The following LRP1B variants were observed in gnomAD, a reference collection of about 807,000 sequenced individuals.
The protein encoded by LRP1B is low-density lipoprotein receptor-related protein 1B.
LRP1B carries 217 observed loss-of-function variants against 556.6 expected under a neutral mutation model. The observed-to-expected ratio is 0.39, with a 90% CI of 0.35 to 0.44. The LOEUF (loss-of-function observed/expected upper bound fraction) is 0.44, where lower values mean the gene tolerates loss of function less well. Ranked by LOEUF, LRP1B falls within the 20% of genes least tolerant of loss-of-function variation. The pLI, the probability that LRP1B is intolerant of heterozygous loss-of-function variation, is 1.00. For missense variants in LRP1B, 5,053 were observed against 5,620.8 expected (o/e 0.90, Z 3.23); for synonymous variants, 2,047 against 1,865.8 (o/e 1.10, Z -2.50).
chr2:140,316,604 A>G (rs537693712), intron 82 of LRP1B, among the ~76,000 whole-genome samples: 1 of 152,276 alleles, frequency 6.6e-6, no homozygotes, highest in Admixed American at 6.5e-5. Flanking sequence ...AGACCCGTGT[A>G]GGTCCTGGTT....
At chr2:140,845,939 T>G (rs867005298) in intron 29 of LRP1B, among the ~76,000 whole-genome samples, 1 of 151,956 alleles carries the variant, frequency 6.6e-6, no homozygotes, top group African/African-American at 2.4e-5. Flanking sequence ...AATTATAGAG[T>G]ACAAAGACTG....
chr2:141,531,327 G>A (rs1251198763), intron 2 of LRP1B, among the ~76,000 whole-genome samples: 1 of 152,022 alleles, frequency 6.6e-6, no homozygotes, highest in Admixed American at 6.6e-5. Flanking sequence ...CTCCAAACCT[G>A]AAAGCCGTAT....
chr2:141,119,632 C>T (rs1882638), intron 7 of LRP1B, among the ~76,000 whole-genome samples: 133,565 of 151,692 alleles, frequency 0.88, 58,953 homozygotes, highest in East Asian at 0.91. Flanking sequence ...TGAAGAAATC[C>T]AAAGCACTAA....
chr2:140,833,392 C>T (rs907551549), intron 31 of LRP1B, among the ~76,000 whole-genome samples: 1 of 152,106 alleles, frequency 6.6e-6, no homozygotes, highest in African/African-American at 2.4e-5. Context: ...TGGCTTAGCC[C>T]ACCACAACTA....
intron 3 of LRP1B, among the ~76,000 whole-genome samples, chr2:141,405,516 G>A (rs1437591290): frequency 6.6e-6 from 1 of 152,058 alleles, no homozygotes; most frequent in Non-Finnish European, 1.5e-5. Flanking sequence ...AGTCAAATTA[G>A]ACACACACTA....
intron 40 of LRP1B, 86 bp from the exon 41 acceptor site, chr2:140,700,707 A>T (rs1686607086): frequency 1.5e-6 from 2 of 1,359,170 alleles, no homozygotes; most frequent in Admixed American, 2.2e-5. Flanking sequence ...GAAATATTAA[A>T]ACTTTGATGT....
At position 141,013,719 on chromosome 2, in the gene LRP1B, G is replaced by A. The variant is rs777696579; in HGVS notation, c.2217C>T (p.Asn739=). The change falls in exon 14 of 91, where the codon AAC becomes AAT. Residue 739 remains asparagine, a synonymous_variant. Transcript: ENST00000389484. Reference sequence around the variant, plus strand: ...CATGATGCGACAGTCCGAAAGGGTGGTTCAACTCTCTCCCACTGTAAACAA... The same window carrying A: ...CATGATGCGACAGTCCGAAAGGGTGATTCAACTCTCTCCCACTGTAAACAA... ...RKIVYSGREL[N]HPFGLSHHGN... The A allele has an allele frequency of 3.1e-6, 5 of 1,591,292 alleles. No homozygotes were observed. The highest frequency in any genetic ancestry group is 2.3e-5 in the South Asian group (2 of 87,234).
At chr2:140,655,706 G>T (rs1684854133) in intron 41 of LRP1B, among the ~76,000 whole-genome samples, 1 of 152,220 alleles carries the variant, frequency 6.6e-6, no homozygotes, top group African/African-American at 2.4e-5. Context: ...ACTTTGGGGG[G>T]CCGAGGCGGG....
At chr2:141,166,378 T>C (rs2105127024) in intron 7 of LRP1B, among the ~76,000 whole-genome samples, 1 of 151,340 alleles carries the variant, frequency 6.6e-6, no homozygotes, top group South Asian at 2.1e-4. Context: ...TTTTTTTTTT[T>C]TTTTTTACAT....
intron 41 of LRP1B, among the ~76,000 whole-genome samples, chr2:140,631,390 A>ATAAG (rs1425088791): frequency 6.6e-6 from 1 of 152,256 alleles, no homozygotes; most frequent in Non-Finnish European, 1.5e-5. Flanking sequence ...AACAATAATT[A>ATAAG]TAAGTTAAAG....
intron 86 of LRP1B, among the ~76,000 whole-genome samples, chr2:140,259,374 T>C (rs77811627): frequency 0.03 from 4,614 of 152,166 alleles, 111 homozygotes; most frequent in East Asian, 0.13. Context: ...CCTGTCTAGT[T>C]CTTGACTTAC....
At chr2:141,058,736 A>T (rs1041042127) in intron 9 of LRP1B, 147 bp downstream of exon 9, 4 of 498,826 alleles carry the variant, frequency 8.0e-6, no homozygotes, top group Non-Finnish European at 1.0e-5. Flanking sequence ...CGGGAGCTCT[A>T]TTCCATTTAA....
At chr2:141,508,239 A>G (rs944657308) in intron 2 of LRP1B, among the ~76,000 whole-genome samples, 6 of 152,134 alleles carry the variant, frequency 3.9e-5, no homozygotes, top group African/African-American at 1.4e-4. Context: ...GGGCTGTACA[A>G]AGCTGGTTCT....
chr2:141,502,141 C>T (rs1012130235), intron 2 of LRP1B, among the ~76,000 whole-genome samples: 4 of 152,216 alleles, frequency 2.6e-5, no homozygotes, highest in Non-Finnish European at 4.4e-5. Flanking sequence ...GAGTCCATTT[C>T]GAAATACTCA....
At chr2:141,311,515 A>G (rs566160615) in intron 3 of LRP1B, among the ~76,000 whole-genome samples, 1 of 152,136 alleles carries the variant, frequency 6.6e-6, no homozygotes, top group African/African-American at 2.4e-5. Context: ...TCCAAACTTC[A>G]CATACTGGAA....
chr2:141,462,197 C>T (rs966114121), intron 3 of LRP1B, among the ~76,000 whole-genome samples: 5 of 152,124 alleles, frequency 3.3e-5, no homozygotes, highest in African/African-American at 4.8e-5. Flanking sequence ...TTGTCTAGCC[C>T]ATCAATTGTG....
intron 2 of LRP1B, among the ~76,000 whole-genome samples, chr2:141,704,135 T>TA (rs1232785729): frequency 1.3e-5 from 2 of 151,954 alleles, no homozygotes; most frequent in Admixed American, 6.6e-5. Flanking sequence ...AAAGGATTGT[T>TA]AAGTAATATA....
chr2:140,491,876 A>G (rs1688715686), intron 57 of LRP1B, among the ~76,000 whole-genome samples: 2 of 152,144 alleles, frequency 1.3e-5, no homozygotes. Context: ...ACAAGGGTGT[A>G]AACCTCCTGG....
At chr2:140,606,366 C>A (rs887488095) in intron 41 of LRP1B, among the ~76,000 whole-genome samples, 8 of 151,596 alleles carry the variant, frequency 5.3e-5, no homozygotes, top group African/African-American at 1.9e-4. Context: ...TTGAAAGAAG[C>A]TAAGGATTTT....
Sources: allele counts gnomAD v4.1 joint callset (sites outside exome capture counted in the v4.1 genomes callset), GRCh38; gene constraint gnomAD v4.1.1; transcripts MANE v1.5; gene names NCBI Gene and HGNC (gene_info 2026-07-23, HGNC 2026-07-21).